Variants in BTK observed in about 807,000 individuals in gnomAD.
BTK encodes tyrosine-protein kinase BTK.
Under a neutral mutation model 57.4 loss-of-function variants are expected in BTK, and 5 were observed. The ratio of observed to expected loss-of-function variants is 0.09; its 90% CI spans 0.05 to 0.18. The LOEUF is 0.18. Among genes scored for constraint, BTK ranks in the 10% least tolerant of loss-of-function variants. The probability of loss-of-function intolerance (pLI) is 1.00; values close to 1 mark genes in which losing one functional copy is unlikely to be tolerated. For missense variants in BTK, 194 were observed against 501.2 expected, an observed-to-expected ratio of 0.39 and a Z score of 5.85; for synonymous variants, 154 against 174.3, an observed-to-expected ratio of 0.88 and a Z score of 0.92.
intron 1 of BTK, among the ~76,000 whole-genome samples, chrX:101,379,003 G>A (rs1413631533): frequency 3.7e-5 from 4 of 108,937 alleles, no homozygotes; most frequent in African/African-American, 6.7e-5. Context: ...GTGAAATCCC[G>A]TCTCTATTAA....
chrX:101,374,590 A>C lies in BTK; in HGVS notation c.186T>G (p.Thr62=). ...KKGSIDVEKI[T]CVETVVPEKN... ...TTTCAGGAACCACTGTTTCAACACA[A>C]GTGATCTTCTCAACATCTATTGAAC... Residue 62 remains threonine (T), a synonymous_variant, in exon 3 of 19, where the codon ACT becomes ACG. Transcript: ENST00000308731. 2.5e-6 allele frequency: 3 copies of C among 1,211,428 alleles called. No individual in the cohort carries two copies. The highest frequency in any genetic ancestry group is 3.4e-6 in the Non-Finnish European group (3 of 895,119).
intron 6 of BTK, 132 bp from the exon 7 acceptor site, chrX:101,362,372 G>A: frequency 1.0e-6 from 1 of 980,724 alleles, no homozygotes; most frequent in South Asian, 1.9e-5. Context: ...AGGCATGCCA[G>A]GTCACATAGC....
intron 1 of BTK, among the ~76,000 whole-genome samples, chrX:101,384,326 G>A (rs782709669): frequency 8.9e-6 from 1 of 112,126 alleles, no homozygotes; most frequent in East Asian, 2.8e-4. Context: ...GGGTGGGTGC[G>A]GTGGCTCACG....
At chrX:101,353,596 G>T (rs1412727789) in intron 17 of BTK, among the ~76,000 whole-genome samples, 1 of 111,703 alleles carries the variant, frequency 9.0e-6, no homozygotes, top group African/African-American at 3.3e-5. Flanking sequence ...GGGTCTGGCA[G>T]AGTGCCTGGT....
Position 101,362,565 on chromosome X carries a change from A to G in BTK, c.516T>C (p.Asn172=), listed in dbSNP as rs1264722834. The change falls in exon 6 of 19, where the codon AAT becomes AAC. Residue 172 remains asparagine (N), a synonymous_variant. Coordinates refer to ENST00000308731, the MANE Select transcript of BTK (RefSeq NM_000061.3). ...TATATCGATCAGATTGCTTACTTCC[A>G]TTCCTGTTCTCCAAAATTTGGCAGC... ...AMGCQILENR[N]GSLKPGSSHR... 2.0e-5 allele frequency: 24 copies of G among 1,212,035 alleles called. No homozygotes were observed. Among genetic ancestry groups the G allele is most frequent in the Non-Finnish European group, 2.7e-5 (24 of 895,569 alleles).
chrX:101,354,082 C>A, intron 16 of BTK, 94 bp from the exon 17 acceptor site: 1 of 642,753 alleles, frequency 1.6e-6, no homozygotes, highest in Admixed American at 2.3e-5. Context: ...CACAAACACA[C>A]ACAGGCTTTC....
intron 17 of BTK, among the ~76,000 whole-genome samples, chrX:101,353,583 A>T (rs782245984): frequency 9.0e-6 from 1 of 111,656 alleles, no homozygotes; most frequent in Non-Finnish European, 1.9e-5. Context: ...CTTTGCAGTT[A>T]TAGGGTCTGG....
intron 1 of BTK, among the ~76,000 whole-genome samples, chrX:101,378,174 C>G (rs558096820): frequency 9.3e-6 from 1 of 107,213 alleles, no homozygotes; most frequent in South Asian, 4.2e-4. Flanking sequence ...ACCTCCATCT[C>G]CTGGGTTCAA....
At chrX:101,389,469 T>G (rs1927717184), upstream of BTK, among the ~76,000 whole-genome samples, 1 of 111,454 alleles carries the variant, frequency 9.0e-6, no homozygotes, top group African/African-American at 3.3e-5. Context: ...GCAAAGAAAT[T>G]TTCAGGAAAT....
rs1215225027 is a variant in BTK at position 101,362,426 on chromosome X, C to T, written c.520+135G>A. ...GCTGGATTTCAGCCCCCATGTGCCT[C>T]CTCCCTCCCCCAGGACCCTTTGTTT... On this transcript the variant is annotated intron_variant, in intron 6 of 18. Transcript: ENST00000308731. 3.8e-6 allele frequency: 4 copies of T among 1,049,288 alleles called. No individual in the cohort carries two copies. The East Asian group carries it at 9.1e-5, about 24-fold the overall frequency. 86.5% of individuals were successfully genotyped at this position (1,049,288 alleles called of 1,213,427 possible).
At chrX:101,365,428 A>G (rs1236279073) in intron 5 of BTK, among the ~76,000 whole-genome samples, 2 of 112,372 alleles carry the variant, frequency 1.8e-5, no homozygotes, top group African/African-American at 6.5e-5. Context: ...CTGCCTCTTA[A>G]GAGGTCCCTT....
intron 12 of BTK, 37 bp downstream of exon 12, chrX:101,358,273 G>A: frequency 8.3e-7 from 1 of 1,210,234 alleles, no homozygotes; most frequent in Non-Finnish European, 1.1e-6. Flanking sequence ...TTATCCTGGT[G>A]TCTGTAACTC....
intron 8 of BTK, 140 bp from the exon 9 acceptor site, chrX:101,360,290 G>T (rs1220036075): frequency 1.8e-6 from 1 of 549,341 alleles, no homozygotes; most frequent in Non-Finnish European, 3.2e-6. Context: ...AGACAATCAT[G>T]TCTCTGATGC....
At position 101,379,190 on chromosome X, in the gene BTK, A is replaced by G. The variant is rs781909837; in HGVS notation, c.-30-3876T>C. On this transcript the variant is annotated intron_variant, in intron 1 of 18. Transcript: ENST00000308731. ...AATAAAAAATAAAAATAAAAAAAAA[A>G]AAGAAGAAGAATACCAGAGCAAAAT... Among the ~76,000 whole-genome samples, 10 of 109,787 alleles carry G rather than the reference A, an allele frequency of 9.1e-5. No homozygotes were observed. The East Asian group carries it at 2.6e-3, about 28-fold the overall frequency.
intron 5 of BTK, among the ~76,000 whole-genome samples, chrX:101,366,258 C>G (rs782819615): frequency 9.0e-6 from 1 of 111,115 alleles, no homozygotes; most frequent in East Asian, 2.8e-4. Context: ...CACGATAGAG[C>G]AAGACTCTCT....
upstream of BTK, among the ~76,000 whole-genome samples, chrX:101,388,013 C>A (rs191679833): frequency 9.0e-6 from 1 of 110,622 alleles, no homozygotes; most frequent in Non-Finnish European, 1.9e-5. Context: ...ACTACAGGTG[C>A]CTGCCACCAC....
chrX:101,383,611 T>A (rs952322325), intron 1 of BTK, among the ~76,000 whole-genome samples: 4 of 110,945 alleles, frequency 3.6e-5, no homozygotes, highest in African/African-American at 1.3e-4. Flanking sequence ...AAAACTTAAC[T>A]TCTCTTGACT....
rs192646704 is a variant in BTK, at chrX:101,374,791, A to G, written c.142-157T>C. 5.4e-5 allele frequency among the ~76,000 whole-genome samples: 6 copies of G among 111,768 alleles called. 1 individual carries two copies. The East Asian group carries it at 1.7e-3, about 31-fold the overall frequency. On this transcript the variant is annotated intron_variant, in intron 2 of 18. Transcript: ENST00000308731. The stretch of plus-strand genomic sequence containing the variant: ...AAAATCCTTCCAGATCTATAAATCT[A>G]TGACTACCAAATGGAGGGCAAATAC...
At chrX:101,358,810 C>A in intron 10 of BTK, 114 bp from the exon 11 acceptor site, 1 of 631,453 alleles carries the variant, frequency 1.6e-6, no homozygotes. Flanking sequence ...CTGCCAAGTT[C>A]CACGCTTGAG....
Sources: gnomAD v4.1 joint callset for allele counts (sites outside exome capture counted in the v4.1 genomes callset) on GRCh38, gnomAD v4.1.1 for gene constraint, MANE v1.5 for transcripts, NCBI Gene and HGNC (gene_info 2026-07-23, HGNC 2026-07-21) for gene names.